WDR35: variants seen among roughly 807,000 people sequenced by gnomAD.
The protein encoded by WDR35 is WD repeat domain 35.
A neutral mutation model predicts 158.3 loss-of-function variants in WDR35; 118 were observed. The observed-to-expected ratio is 0.75, with a 90% CI of 0.64 to 0.87. The LOEUF is 0.87. Ranked by LOEUF, WDR35 falls within the 40% of genes least tolerant of loss-of-function variation. The pLI, the probability that WDR35 is intolerant of heterozygous loss-of-function variation, is 0.00. For synonymous variants in WDR35, 448 were observed against 476.1 expected (o/e 0.94, Z 0.77); for missense variants, 1,263 against 1,405.8 (o/e 0.90, Z 1.62).
intron 22 of WDR35, among the ~76,000 whole-genome samples, chr2:19,932,956 T>C (rs1277599400): frequency 6.6e-6 from 1 of 152,226 alleles, no homozygotes; most frequent in African/African-American, 2.4e-5. Flanking sequence ...ATATCAAATG[T>C]ATGTTTTCTA....
intron 12 of WDR35, among the ~76,000 whole-genome samples, chr2:19,952,956 ATGAG>A (rs1671294284): frequency 6.6e-6 from 1 of 151,826 alleles, no homozygotes; most frequent in Non-Finnish European, 1.5e-5. Flanking sequence ...ATCTTAGCAC[ATGAG>A]TGAGTCTTAA....
chr2:19,961,953 A>T (rs1671675686), intron 10 of WDR35, among the ~76,000 whole-genome samples: 1 of 152,164 alleles, frequency 6.6e-6, no homozygotes, highest in African/African-American at 2.4e-5. Flanking sequence ...ATTTGGCTCC[A>T]GACTTCCTTT....
At chr2:19,929,029 G>A (rs1359578750) in intron 25 of WDR35, among the ~76,000 whole-genome samples, 7 of 151,936 alleles carry the variant, frequency 4.6e-5, no homozygotes, top group African/African-American at 1.2e-4. Context: ...GGATGCTCTC[G>A]ATCTCCTGAC....
At position 19,937,778 on chromosome 2, in the gene WDR35, T is replaced by C; in HGVS notation, c.2232A>G (p.Glu744=). 1 of 1,614,180 alleles carries C rather than the reference T, an allele frequency of 6.2e-7. No individual in the cohort carries two copies. Among genetic ancestry groups the C allele is most frequent in the Non-Finnish European group, 8.5e-7 (1 of 1,180,004 alleles). ...TCTCGAGATACGTTCTTTCAGCCTC[T>C]TCAAACCTGCCGAAGTAGCCAACAA... is the stretch of plus-strand genomic sequence containing the variant. ...AEVVGYFGRF[E]EAERTYLEMD... is the part of the protein sequence containing the mutation. Residue 744 remains glutamate, a synonymous_variant, in exon 19 of 27, where the codon GAA becomes GAG. Coordinates refer to ENST00000281405, the MANE Select transcript of WDR35 (RefSeq NM_020779.4).
chr2:19,930,661 A>C (rs1316712272), intron 24 of WDR35, 109 bp from the exon 25 acceptor site: 4 of 1,512,306 alleles, frequency 2.6e-6, no homozygotes, highest in Non-Finnish European at 3.6e-6. Context: ...TTTTATCATT[A>C]CAAAACTATG....
chr2:19,969,727 C>T (rs1671974280), intron 8 of WDR35, 122 bp from the exon 9 acceptor site: 1 of 970,750 alleles, frequency 1.0e-6, no homozygotes, highest in East Asian at 2.8e-5. Context: ...TTACTAGTCA[C>T]TTTAAAATCA....
rs571707363 is a variant in WDR35 at position 19,976,682 on chromosome 2, T to G, written c.437-1019A>C. 5.0e-3 allele frequency among the ~76,000 whole-genome samples: 694 copies of G among 137,484 alleles called. 2 individuals are homozygous for G. Among genetic ancestry groups the G allele is most frequent in the Non-Finnish European group, 7.7e-3 (502 of 65,128 alleles). The allele number at this position is 137,484 out of a possible 152,430, so 90.2% of individuals were successfully genotyped here. On this transcript the variant is annotated intron_variant, in intron 5 of 26. Coordinates refer to ENST00000281405, the MANE Select transcript of WDR35 (RefSeq NM_020779.4). ...ACTGATGGCCTGTTGCTAAAGCCAA[T>G]TGATACTTTTTTTTTTTTTTTTTTA...
At chr2:19,980,843 T>G in intron 3 of WDR35, 60 bp from the exon 4 acceptor site, 2 of 1,444,084 alleles carry the variant, frequency 1.4e-6, no homozygotes, top group Non-Finnish European at 1.9e-6. Context: ...AAATTCACAT[T>G]TTTATATAAA....
intron 20 of WDR35, 143 bp downstream of exon 20, chr2:19,936,076 T>C (rs1670682505): frequency 1.5e-6 from 2 of 1,359,158 alleles, no homozygotes; most frequent in Admixed American, 4.1e-5. Context: ...GATCTCCGGC[T>C]TTCCAAGATG....
At position 19,973,646 on chromosome 2, in the gene WDR35, C is replaced by CG; in HGVS notation, c.798dup (p.Val267ArgfsTer28). The CG allele has an allele frequency of 6.2e-7, 1 of 1,614,178 alleles. No individual in the cohort carries two copies. The highest frequency in any genetic ancestry group is 1.3e-5 in the African/African-American group (1 of 75,046). On this transcript the variant is annotated frameshift_variant, in exon 8 of 27. Transcript: ENST00000281405. LOFTEE classifies it high-confidence loss of function. ...TTCTGGAAGCCTGCCACAGCTAACA[C>CG]GCTGCCCATGTGGTTCCACTGGATG...
At chr2:19,922,963 T>C (rs1670225589) in intron 25 of WDR35, among the ~76,000 whole-genome samples, 1 of 152,268 alleles carries the variant, frequency 6.6e-6, no homozygotes, top group African/African-American at 2.4e-5. Context: ...ATGAGTGATC[T>C]GTGCCTTAAG....
At chr2:19,949,004 T>G (rs10203067) in intron 13 of WDR35, among the ~76,000 whole-genome samples, 30,736 of 152,044 alleles carry the variant, frequency 0.2, 3,396 homozygotes, top group East Asian at 0.4. Flanking sequence ...TATTAGCACA[T>G]GTAAAAACAA....
At chr2:19,923,776 G>A (rs1558323452) in intron 25 of WDR35, among the ~76,000 whole-genome samples, 2 of 152,164 alleles carry the variant, frequency 1.3e-5, no homozygotes, top group South Asian at 4.1e-4. Context: ...ACACCCCCCA[G>A]AACAACGGGG....
chr2:19,946,604 G>C (rs747346319), intron 14 of WDR35, 34 bp from the exon 15 acceptor site: 4 of 1,560,244 alleles, frequency 2.6e-6, no homozygotes, highest in Non-Finnish European at 8.8e-7. Context: ...TTAAGCATAC[G>C]TGTATCATAA....
At position 19,975,545 on chromosome 2, in the gene WDR35, A is replaced by G; in HGVS notation, c.555T>C (p.Asn185=). ...ACTTACTTACCATAAAATTTCCTTG[A>G]TTATCGTAAATGTGTATTTCCCCAT... ...MANGEIHIYD[N]QGNFMIKMKL... is the part of the protein sequence containing the mutation. Residue 185 remains asparagine, a synonymous_variant, in exon 6 of 27, where the codon AAT becomes AAC. Transcript: ENST00000281405. The G allele has an allele frequency of 6.2e-7, 1 of 1,613,426 alleles. No homozygotes were observed. Among genetic ancestry groups the G allele is most frequent in the Non-Finnish European group, 8.5e-7 (1 of 1,179,590 alleles).
chr2:19,960,438 G>T, intron 11 of WDR35, 116 bp downstream of exon 11: 1 of 811,324 alleles, frequency 1.2e-6, no homozygotes, highest in Non-Finnish European at 2.0e-6. Flanking sequence ...TAGGAAGTAT[G>T]GTCATCCTCG....
At chr2:19,973,491 GTTA>G in intron 8 of WDR35, 69 bp downstream of exon 8, 14 of 1,596,604 alleles carry the variant, frequency 8.8e-6, no homozygotes, top group Non-Finnish European at 1.1e-5. Context: ...CGTTTCCTTT[GTTA>G]TTTTTTCCTC....
At chr2:19,954,069 C>A in intron 11 of WDR35, 91 bp from the exon 12 acceptor site, 1 of 1,468,734 alleles carries the variant, frequency 6.8e-7, no homozygotes, top group Non-Finnish European at 9.5e-7. Context: ...GGAGTTCAAC[C>A]CCTCATTTTA....
intron 10 of WDR35, among the ~76,000 whole-genome samples, chr2:19,965,268 T>C (rs1671812333): frequency 6.6e-6 from 1 of 152,230 alleles, no homozygotes; most frequent in South Asian, 2.1e-4. Context: ...CAGTCTCTGC[T>C]TCTTCCAAGT....
Sources: gnomAD v4.1 joint callset for allele counts (sites outside exome capture counted in the v4.1 genomes callset) on GRCh38, gnomAD v4.1.1 for gene constraint, MANE v1.5 for transcripts, NCBI Gene and HGNC (gene_info 2026-07-23, HGNC 2026-07-21) for gene names.